The following PKN3 variants were observed in gnomAD, a reference collection of about 807,000 sequenced individuals.
The protein encoded by PKN3 is serine/threonine-protein kinase N3.
Under a neutral mutation model 113.1 loss-of-function variants are expected in PKN3, and 91 were observed. The ratio of observed to expected loss-of-function variants is 0.80; its 90% CI spans 0.68 to 0.96. The LOEUF is 0.96. Ranked by LOEUF, PKN3 falls within the 40% of genes least tolerant of loss-of-function variation. The pLI is 0.00. For missense variants in PKN3, 1,052 were observed against 1,202.2 expected (o/e 0.88, Z 1.85); for synonymous variants, 467 against 499.0 (o/e 0.94, Z 0.85).
In PKN3 at chr9:128,715,061, A is replaced by G; in HGVS notation, c.1653-111A>G. Reference sequence around the variant, plus strand: ...GAGTCCTTACTGCAGGGCTTTTTCGAGCCCATAGGTCGGGACAGCCCAGGA... The same window carrying G: ...GAGTCCTTACTGCAGGGCTTTTTCGGGCCCATAGGTCGGGACAGCCCAGGA... On this transcript the variant is annotated intron_variant, in intron 13 of 21. Coordinates refer to ENST00000291906, the MANE Select transcript of PKN3 (RefSeq NM_013355.5). The surrounding 1 kb of genome is among the most constrained non-coding windows in gnomAD (Gnocchi z 4.1). 1 of 1,228,742 alleles carries G rather than the reference A, an allele frequency of 8.1e-7. No individual in the cohort carries two copies. Among genetic ancestry groups the G allele is most frequent in the Non-Finnish European group, 1.2e-6 (1 of 843,964 alleles). The allele number at this position is 1,228,742 out of a possible 1,614,324, so 76.1% of individuals were successfully genotyped here. A position where few individuals can be genotyped will look rare whatever the true frequency, so the allele number is the denominator to read the frequency against.
rs542435286 is a variant in PKN3 at position 128,715,275 on chromosome 9, G to C, written c.1716+40G>C. ...AGGGTGGTATGGGACGGGATTGGGG[G>C]CCTCATCACATGAGCCGGGAGGACC... On this transcript the variant is annotated intron_variant, in intron 14 of 21. Transcript: ENST00000291906. This position sits in a 1 kb window ranked among gnomAD's most constrained non-coding sequence, Gnocchi z 4.1. The C allele has an allele frequency of 1.2e-5, 20 of 1,609,576 alleles. No individual in the cohort carries two copies. Among genetic ancestry groups the C allele is most frequent in the Non-Finnish European group, 1.5e-5 (18 of 1,176,036 alleles).
intron 6 of PKN3, among the ~76,000 whole-genome samples, chr9:128,712,058 C>T (rs1862196150): frequency 6.6e-6 from 1 of 152,170 alleles, no homozygotes; most frequent in Non-Finnish European, 1.5e-5. Flanking sequence ...TACAGGTGCC[C>T]ACCATCATGC....
At chr9:128,719,467 G>T (rs1862456030) in intron 18 of PKN3, among the ~76,000 whole-genome samples, 1 of 152,218 alleles carries the variant, frequency 6.6e-6, no homozygotes, top group Admixed American at 6.5e-5. Context: ...GGGATTACAG[G>T]TGTGAGCCAC....
Position 128,714,577 on chromosome 9 carries a change from GA to G in PKN3, c.1499del (p.Lys500ArgfsTer8). The part of the protein sequence containing the change: ...PATPSNFLPK[K>X]TPLGEEMTPP... ...CTCCCTACAGTAATTTCCTGCCCAA[GA>G]AGACCCCCTTGGGTGAAGAGATGAC... On this transcript the variant is annotated frameshift_variant, in exon 12 of 22. Transcript: ENST00000291906. LOFTEE classifies it high-confidence loss of function. 7.9e-7 allele frequency: 1 copy of G among 1,261,422 alleles called. No individual in the cohort carries two copies. The highest frequency in any genetic ancestry group is 1.2e-6 in the Non-Finnish European group (1 of 857,786). The allele number at this position is 1,261,422 out of a possible 1,614,324, so 78.1% of individuals were successfully genotyped here.
chr9:128,711,098 C>G (rs1034471644), intron 6 of PKN3, among the ~76,000 whole-genome samples: 1 of 151,146 alleles, frequency 6.6e-6, no homozygotes, highest in African/African-American at 2.4e-5. Context: ...CTCCGCCTCC[C>G]GGGTTCAAGC....
intron 6 of PKN3, among the ~76,000 whole-genome samples, chr9:128,712,345 T>C (rs577910498): frequency 2.3e-4 from 35 of 152,344 alleles, no homozygotes; most frequent in African/African-American, 7.9e-4. Flanking sequence ...CAAAAGCTGC[T>C]AGATCCCCAC....
At position 128,705,507 on chromosome 9, in the gene PKN3, C is replaced by T. The variant is rs1336622465; in HGVS notation, c.229C>T (p.Arg77Ter). ...TGGCGAGCTGCGGGAGCTGCACGCC[C>T]GAATCCTGCTGCCCGGCCCTGGGCC... The part of the protein sequence containing the change: ...LHGELRELHA[R>*]ILLPGPGPGP... Residue 77 changes from arginine (R) to a stop codon, truncating the protein, a stop_gained, in exon 2 of 22, where the codon CGA (arginine) becomes TGA (stop). Transcript: ENST00000291906. LOFTEE classifies it high-confidence loss of function. 2 of 1,558,524 alleles carry T rather than the reference C, an allele frequency of 1.3e-6. No homozygotes were observed. The highest frequency in any genetic ancestry group is 1.2e-5 in the South Asian group (1 of 84,758).
At position 128,716,017 on chromosome 9, in the gene PKN3, G is replaced by GC. The variant is rs560092771; in HGVS notation, c.1808+557_1808+558insC. Among the ~76,000 whole-genome samples the GC allele has an allele frequency of 7.8e-3, 1,170 of 150,374 alleles. 12 individuals carry two copies. Among genetic ancestry groups the GC allele is most frequent in the African/African-American group, 0.023 (926 of 40,904 alleles). ...AAAAACTAATTAAAAAAAAAAAAAG[G>GC]AGGGGGAGGCTGGGCACAGTGGCTC... On this transcript the variant is annotated intron_variant, in intron 15 of 21. Transcript: ENST00000291906.
rs1861888508 is a variant in PKN3, at chr9:128,702,667, G to T, written c.-249G>T. 2.2e-6 allele frequency: 1 copy of T among 446,078 alleles called. No homozygotes were observed. The highest frequency in any genetic ancestry group is 4.2e-5 in the South Asian group (1 of 23,936). The allele number at this position is 446,078 out of a possible 1,614,324, so 27.6% of individuals were successfully genotyped here. On this transcript the variant is annotated 5_prime_UTR_variant, in exon 1 of 22. Coordinates refer to ENST00000291906, the MANE Select transcript of PKN3 (RefSeq NM_013355.5). ...GCCCGGGTACTGGGCCCAGAATCCCGCGGAATTTTGGATCCGAGGGAGGCG... is the reference window on the plus strand; with the variant it reads ...GCCCGGGTACTGGGCCCAGAATCCCTCGGAATTTTGGATCCGAGGGAGGCG...
Position 128,707,238 on chromosome 9 carries a change from A to C in PKN3, c.668A>C (p.Gln223Pro). 6.2e-7 allele frequency: 1 copy of C among 1,609,254 alleles called. No homozygotes were observed. The highest frequency in any genetic ancestry group is 8.5e-7 in the Non-Finnish European group (1 of 1,176,532). The part of the protein sequence containing the change: ...KALAEAQAQL[Q>P]ESSQKLDLLR... ...CCTCTGCAGGCCCAGGCCCAGCTAC[A>C]GGAGTCCTCTCAGAAACTGGACCTC... Residue 223 changes from glutamine (Q) to proline (P), a missense_variant, in exon 6 of 22, where the codon CAG becomes CCG. Gln to Pro is a moderately conservative substitution (Grantham distance 76). Around this residue, in one of 2 missense-constraint regions of PKN3, gnomAD observed 719 missense variants for 759.4 expected, o/e 0.95. Transcript: ENST00000291906.
chr9:128,711,750 C>T lies in PKN3; in HGVS notation c.836-1302C>T, dbSNP rs562431259. On this transcript the variant is annotated intron_variant, in intron 6 of 21. Coordinates refer to ENST00000291906, the MANE Select transcript of PKN3 (RefSeq NM_013355.5). ...AGTAGTTGGGATTACAGGCGCCCAC[C>T]GCCATGCCCGGCTAATATTTGTATT... 3.9e-5 allele frequency among the ~76,000 whole-genome samples: 6 copies of T among 151,938 alleles called. No individual in the cohort carries two copies. In the East Asian group the frequency reaches 5.8e-4, roughly 15 times the overall value.
intron 18 of PKN3, among the ~76,000 whole-genome samples, chr9:128,719,153 C>T (rs1862441053): frequency 6.6e-6 from 1 of 151,496 alleles, no homozygotes; most frequent in African/African-American, 2.4e-5. Flanking sequence ...ACCTTGGCCG[C>T]CCAAAGTGCT....
intron 1 of PKN3, among the ~76,000 whole-genome samples, chr9:128,704,544 C>G (rs573224639): frequency 2.0e-5 from 3 of 152,290 alleles, no homozygotes; most frequent in South Asian, 4.1e-4. Context: ...AGCTGGGGCC[C>G]GAGAGATGGT....
At chr9:128,718,417 TA>T (rs1589493368) in intron 17 of PKN3, 30 bp downstream of exon 17, 3 of 1,363,542 alleles carry the variant, frequency 2.2e-6, no homozygotes, top group Non-Finnish European at 3.1e-6. Flanking sequence ...TGCACGGGGG[TA>T]GGGGTGGGGG....
intron 6 of PKN3, among the ~76,000 whole-genome samples, chr9:128,712,699 C>T (rs1862214102): frequency 6.6e-6 from 1 of 152,232 alleles, no homozygotes; most frequent in Non-Finnish European, 1.5e-5. Flanking sequence ...GCCAGTTGCT[C>T]TGCCCTGGAA....
chr9:128,711,760 G>A (rs1380973626), intron 6 of PKN3, among the ~76,000 whole-genome samples: 1 of 151,606 alleles, frequency 6.6e-6, no homozygotes, highest in Non-Finnish European at 1.5e-5. Context: ...CGCCATGCCC[G>A]GCTAATATTT....
At chr9:128,705,905 G>A (rs769029263) in intron 3 of PKN3, 26 bp downstream of exon 3, 9 of 1,556,820 alleles carry the variant, frequency 5.8e-6, no homozygotes, top group Non-Finnish European at 7.0e-6. Context: ...CTGATGGCAG[G>A]AGCACCCTGG....
At position 128,714,239 on chromosome 9, in the gene PKN3, C is replaced by T. The variant is rs371936211; in HGVS notation, c.1355C>T (p.Ala452Val). 6.1e-4 allele frequency: 990 copies of T among 1,613,954 alleles called. 12 individuals are homozygous for T. In the South Asian group the frequency reaches 0.01, roughly 17 times the overall value. Residue 452 changes from alanine (A) to valine (V), a missense_variant, in exon 11 of 22, where the codon GCG becomes GTG. By Grantham distance (64) the Ala-to-Val change is moderately conservative. Around this residue, in one of 2 missense-constraint regions of PKN3, gnomAD observed 719 missense variants for 759.4 expected, o/e 0.95. Transcript: ENST00000291906. ...LRASQMNLGM[A>V]AWGRLVMNLL... is the part of the protein sequence containing the mutation. ...GCTTCGCAGATGAACCTCGGCATGG[C>T]GGCCTGGGGGCGCCTCGTCATGAAC... is the stretch of plus-strand genomic sequence containing the variant.
At chr9:128,704,810 C>T (rs564305682) in intron 1 of PKN3, among the ~76,000 whole-genome samples, 1 of 151,488 alleles carries the variant, frequency 6.6e-6, no homozygotes, top group African/African-American at 2.4e-5. Context: ...CCCAGCTACT[C>T]AGGAGGCTGG....
Sources: gnomAD v4.1 joint callset for allele counts (sites outside exome capture counted in the v4.1 genomes callset) on GRCh38, gnomAD v4.1.1 for gene constraint, gnomAD v4.1.1 regional missense constraint, Gnocchi (gnomAD v3.1) non-coding constraint, MANE v1.5 for transcripts, NCBI Gene and HGNC (gene_info 2026-07-23, HGNC 2026-07-21) for gene names.